The following CALN1 variants were observed in gnomAD, a reference collection of about 807,000 sequenced individuals.
CALN1 encodes the protein calcium-binding protein 8.
In CALN1, 17 loss-of-function variants were observed where a neutral mutation model predicts 30.6. That is an observed-to-expected ratio of 0.56 (90% confidence interval 0.38 to 0.83). The LOEUF (loss-of-function observed/expected upper bound fraction) is 0.83. CALN1 is among the 40% of genes least tolerant of loss of function. CALN1 has a pLI of 0.00. For synonymous variants in CALN1, 156 were observed against 131.4 expected, an observed-to-expected ratio of 1.19 and a Z score of -1.28; for missense variants, 291 against 354.9, an observed-to-expected ratio of 0.82 and a Z score of 1.45.
chr7:72,169,977 G>A (rs1788822991), intron 3 of CALN1, among the ~76,000 whole-genome samples: 1 of 151,158 alleles, frequency 6.6e-6, no homozygotes, highest in Admixed American at 6.6e-5. Context: ...ACGGGCGTGA[G>A]ACACCGCACC....
chr7:72,273,571 T>C (rs1797147261), intron 3 of CALN1, among the ~76,000 whole-genome samples: 1 of 147,460 alleles, frequency 6.8e-6, no homozygotes, highest in Non-Finnish European at 1.5e-5. Context: ...CAAGTGCAAG[T>C]GCAGTAGTAC....
chr7:72,329,430 A>G (rs1396782336), intron 2 of CALN1, among the ~76,000 whole-genome samples: 1 of 152,190 alleles, frequency 6.6e-6, no homozygotes, highest in Non-Finnish European at 1.5e-5. Context: ...TACTGAACTC[A>G]GTATCAAACC....
intron 5 of CALN1, among the ~76,000 whole-genome samples, chr7:71,823,516 G>A (rs1459371634): frequency 3.9e-5 from 6 of 152,080 alleles, no homozygotes; most frequent in Non-Finnish European, 7.4e-5. Flanking sequence ...TCAGGAGTTC[G>A]AGACCAGCCT....
chr7:71,874,279 T>TAAAAAAAAAAAA (rs57423286), intron 5 of CALN1, among the ~76,000 whole-genome samples: 1 of 97,650 alleles, frequency 1.0e-5, no homozygotes, highest in Non-Finnish European at 2.0e-5. Context: ...TCTCAAACAT[T>TAAAAAAAAAAAA]AAAAAAAAAA....
chr7:72,502,235 C>T, the CALN1 span, among the ~76,000 whole-genome samples: 4 of 149,016 alleles, frequency 2.7e-5, no homozygotes, highest in African/African-American at 9.8e-5. Context: ...GCTTGTGGGG[C>T]GGGGAGGAAT....
At chr7:72,053,399 C>G (rs1406634630) in intron 4 of CALN1, among the ~76,000 whole-genome samples, 1 of 152,178 alleles carries the variant, frequency 6.6e-6, no homozygotes, top group Non-Finnish European at 1.5e-5. Context: ...AACCACTGCA[C>G]AGAACAACAA....
In CALN1 at chr7:72,271,575, A is replaced by AAAAAAAAAAAAAAAT; in HGVS notation, c.244+7110_244+7111insATTTTTTTTTTTTTT. Among the ~76,000 whole-genome samples the AAAAAAAAAAAAAAAT allele has an allele frequency of 3.3e-4, 17 of 52,128 alleles. 1 individual carries two copies. The highest frequency in any genetic ancestry group is 1.2e-3 in the African/African-American group (9 of 7,448). 34.2% of individuals were successfully genotyped at this position (52,128 alleles called of 152,430 possible). On this transcript the variant is annotated intron_variant, in intron 3 of 6. Coordinates refer to ENST00000395275, the MANE Select transcript of CALN1 (RefSeq NM_031468.4). The stretch of plus-strand genomic sequence containing the variant: ...CTGTGCCTGCCTTTTAAAAAAAAAA[A>AAAAAAAAAAAAAAAT]ATATATATATATATATATAGTTTTC...
At chr7:72,067,774 A>ACT (rs1804124496) in intron 4 of CALN1, among the ~76,000 whole-genome samples, 1 of 152,132 alleles carries the variant, frequency 6.6e-6, no homozygotes, top group Admixed American at 6.5e-5. Flanking sequence ...GGCACTTGGT[A>ACT]TGCTTGGGCC....
chr7:71,974,417 C>CAAAAAAAAAAAAAAAAAAAAAAAAAAAAA (rs1052896558), intron 5 of CALN1, among the ~76,000 whole-genome samples: 1 of 55,004 alleles, frequency 1.8e-5, no homozygotes, highest in Non-Finnish European at 3.8e-5. Flanking sequence ...GACTCCATCT[C>CAAAAAAAAAAAAAAAAAAAAAAAAAAAAA]AAAAAAAAAA....
At chr7:72,287,422 A>C (rs955663391) in intron 2 of CALN1, among the ~76,000 whole-genome samples, 1 of 148,852 alleles carries the variant, frequency 6.7e-6, no homozygotes, top group African/African-American at 2.5e-5. Flanking sequence ...ATCCATACAC[A>C]TACACCAAAT....
intron 3 of CALN1, among the ~76,000 whole-genome samples, chr7:72,256,324 G>T (rs1359106415): frequency 6.6e-6 from 1 of 152,084 alleles, no homozygotes; most frequent in South Asian, 2.1e-4. Context: ...GCCGGGTGTT[G>T]TGACATGGGC....
intron 3 of CALN1, among the ~76,000 whole-genome samples, chr7:72,269,940 T>C (rs1796861494): frequency 1.3e-5 from 2 of 152,134 alleles, no homozygotes; most frequent in Non-Finnish European, 1.5e-5. Flanking sequence ...ATTCAGAGAA[T>C]TAAAGAAAAC....
At chr7:72,228,552 C>T (rs980972250) in intron 3 of CALN1, among the ~76,000 whole-genome samples, 2 of 151,730 alleles carry the variant, frequency 1.3e-5, no homozygotes, top group Non-Finnish European at 2.9e-5. Flanking sequence ...CTCCAGCATT[C>T]ATTGGTGCAT....
At chr7:72,329,847 A>G (rs968984875) in intron 2 of CALN1, among the ~76,000 whole-genome samples, 25 of 152,090 alleles carry the variant, frequency 1.6e-4, no homozygotes, top group African/African-American at 3.1e-4. Context: ...CCAGCTATTC[A>G]GGAGACTGAG....
intron 2 of CALN1, among the ~76,000 whole-genome samples, chr7:72,383,319 G>C (rs1263761745): frequency 1.3e-5 from 2 of 152,156 alleles, no homozygotes; most frequent in East Asian, 1.9e-4. Flanking sequence ...TCTGCTTTTA[G>C]TTCTTTGAGA....
intron 5 of CALN1, among the ~76,000 whole-genome samples, chr7:71,852,107 T>C (rs974454883): frequency 6.6e-6 from 1 of 152,168 alleles, no homozygotes; most frequent in African/African-American, 2.4e-5. Flanking sequence ...TAGAACATGA[T>C]TAGTTCATTC....
intron 2 of CALN1, among the ~76,000 whole-genome samples, chr7:72,305,867 TC>T (rs1467680653): frequency 6.6e-6 from 1 of 152,172 alleles, no homozygotes; most frequent in Non-Finnish European, 1.5e-5. Context: ...ACCTTCTTGC[TC>T]TGTCCTCACA....
At chr7:72,263,645 G>T (rs1207775640) in intron 3 of CALN1, among the ~76,000 whole-genome samples, 2 of 152,072 alleles carry the variant, frequency 1.3e-5, no homozygotes, top group Non-Finnish European at 2.9e-5. Context: ...TGAACCCCTG[G>T]CCTCAAGCAA....
Position 72,286,928 on chromosome 7 carries a change from GAGA to G in CALN1, c.120-8121_120-8119del, listed in dbSNP as rs1798120038. Among the ~76,000 whole-genome samples, 2 of 152,212 alleles carry G rather than the reference GAGA, an allele frequency of 1.3e-5. 1 individual carries two copies. The highest frequency in any genetic ancestry group is 1.3e-4 in the Admixed American group (2 of 15,270). ...CAAATTCATAAAGAAATATCAGAGTGAGAAGAAGAGATATCAAGACAAAAAGAA... is the reference window on the plus strand; with the variant it reads ...CAAATTCATAAAGAAATATCAGAGTGAGAAGAGATATCAAGACAAAAAGAA... On this transcript the variant is annotated intron_variant, in intron 2 of 6. Transcript: ENST00000395275.
Sources: gnomAD v4.1 joint callset for allele counts (sites outside exome capture counted in the v4.1 genomes callset) on GRCh38, gnomAD v4.1.1 for gene constraint, MANE v1.5 for transcripts, NCBI Gene and HGNC (gene_info 2026-07-23, HGNC 2026-07-21) for gene names.